Variants in FRMPD3 observed in about 807,000 individuals in gnomAD.
The protein encoded by FRMPD3 is FERM and PDZ domain containing 3.
A neutral mutation model predicts 97.9 loss-of-function variants in FRMPD3; 42 were observed. That is an observed-to-expected ratio of 0.43 (90% CI 0.34 to 0.55). FRMPD3 has a LOEUF of 0.55. Ranked by LOEUF, FRMPD3 falls within the 20% of genes least tolerant of loss-of-function variation. FRMPD3 has a pLI of 0.03. For synonymous variants in FRMPD3, 577 were observed against 581.1 expected, an observed-to-expected ratio of 0.99 and a Z score of 0.10; for missense variants, 1,303 against 1,457.7, an observed-to-expected ratio of 0.89 and a Z score of 1.73.
intron 1 of FRMPD3, among the ~76,000 whole-genome samples, chrX:107,507,432 A>G (rs1173591859): frequency 1.8e-5 from 2 of 110,441 alleles, no homozygotes; most frequent in Admixed American, 9.5e-5. Flanking sequence ...AAACCACCCG[A>G]GTGGAGCAGG....
intron 13 of FRMPD3, among the ~76,000 whole-genome samples, chrX:107,589,234 A>C (rs376325773): frequency 1.8e-5 from 2 of 108,887 alleles, no homozygotes; most frequent in East Asian, 5.8e-4. Flanking sequence ...CGATCTTTGA[A>C]GCCTCAAAGA....
chrX:107,551,627 C>T (rs1569421305), intron 6 of FRMPD3, among the ~76,000 whole-genome samples: 1 of 112,132 alleles, frequency 8.9e-6, no homozygotes, highest in Non-Finnish European at 1.9e-5. Context: ...GTGCTGGCGA[C>T]TTATTGGAGC....
In FRMPD3 at chrX:107,568,386, CCCA is replaced by C. The variant is rs1273433438; in HGVS notation, c.1296+3322_1296+3324del. Among the ~76,000 whole-genome samples, 7 of 67,252 alleles carry C rather than the reference CCCA, an allele frequency of 1.0e-4. No individual in the cohort carries two copies. In the East Asian group the frequency reaches 4.2e-3, roughly 41 times the overall value. 58.4% of individuals were successfully genotyped at this position (67,252 alleles called of 115,157 possible). On this transcript the variant is annotated intron_variant, in intron 12 of 14. Transcript: ENST00000683843. ...TGCTATCCCTCCCCCCTCCCCCCAC[CCCA>C]CAACAGTCCTCCAGAATTTTTTGTT...
intron 1 of FRMPD3, among the ~76,000 whole-genome samples, chrX:107,468,869 A>G (rs967972568): frequency 8.9e-6 from 1 of 112,740 alleles, no homozygotes; most frequent in African/African-American, 3.2e-5. Flanking sequence ...GGAATTTCAC[A>G]CAACCACTGT....
At chrX:107,548,496 T>C (rs1921715291) in intron 5 of FRMPD3, among the ~76,000 whole-genome samples, 1 of 112,658 alleles carries the variant, frequency 8.9e-6, no homozygotes, top group South Asian at 3.7e-4. Flanking sequence ...CTACTGCCCA[T>C]TCATTCAGCA....
At chrX:107,481,646 A>G (rs1409706295) in intron 1 of FRMPD3, among the ~76,000 whole-genome samples, 6 of 111,988 alleles carry the variant, frequency 5.4e-5, no homozygotes, top group African/African-American at 1.9e-4. Context: ...GCCTAATGGA[A>G]GGAAAGAAGC....
Position 107,533,523 on chromosome X carries a change from C to T in FRMPD3, c.270C>T (p.Ile90=), listed in dbSNP as rs1274598114. 8.3e-6 allele frequency: 10 copies of T among 1,206,806 alleles called. No individual in the cohort carries two copies. The South Asian group carries it at 1.4e-4, about 17-fold the overall frequency. ...IELIRSAKEF[I]VLTVLHTHQS... ...TCTGTAGGAGCGCTAAGGAATTCAT[C>T]GTTCTTACAGTTCTGCACACTCATC... The change falls in exon 4 of 15, where the codon ATC becomes ATT. Residue 90 remains isoleucine, a synonymous_variant. Coordinates refer to ENST00000683843, the MANE Select transcript of FRMPD3 (RefSeq NM_001388459.1).
At chrX:107,565,089 CCTT>C in intron 12 of FRMPD3, 23 bp downstream of exon 12, 2 of 1,141,130 alleles carry the variant, frequency 1.8e-6, no homozygotes, top group Non-Finnish European at 1.2e-6. Flanking sequence ...TTGAGGGCCT[CCTT>C]CTGTTTAGGA....
Position 107,601,167 on chromosome X carries a change from A to C in FRMPD3, c.3128A>C (p.Asp1043Ala), listed in dbSNP as rs368183217. 3 of 1,208,901 alleles carry C rather than the reference A, an allele frequency of 2.5e-6. No individual in the cohort carries two copies. In the African/African-American group the frequency reaches 5.2e-5, roughly 21 times the overall value. ...AGAGCACCCACAGGCAGCCGGGCTG[A>C]CAGCCTGCACCTCTCCCAACAAGAG... ...SPRAPTGSRA[D>A]SLHLSQQEDS... Residue 1043 changes from aspartate (D) to alanine (A), a missense_variant, in exon 15 of 15, where the codon GAC (aspartate) becomes GCC (alanine). Physicochemically the swap from Asp to Ala is moderately radical, Grantham distance 126. Coordinates refer to ENST00000683843, the MANE Select transcript of FRMPD3 (RefSeq NM_001388459.1).
chrX:107,542,434 T>C (rs1344874462), intron 4 of FRMPD3, among the ~76,000 whole-genome samples: 1 of 111,851 alleles, frequency 8.9e-6, no homozygotes, highest in Non-Finnish European at 1.9e-5. Flanking sequence ...AAAAAAATAC[T>C]GATGCTCAGA....
At chrX:107,535,811 A>G in intron 4 of FRMPD3, among the ~76,000 whole-genome samples, 1 of 111,336 alleles carries the variant, frequency 9.0e-6, no homozygotes, top group African/African-American at 3.3e-5. Flanking sequence ...CCAACACAGT[A>G]AAGATACCCC....
Position 107,526,312 on chromosome X carries a change from G to A in FRMPD3, c.-7-270G>A, listed in dbSNP as rs1415743806. ...CTTCTGGAGTTCCAATATCTGAGAG[G>A]AAGGGTCTGACTCTAATTTCAGGCT... is the stretch of plus-strand genomic sequence containing the variant. On this transcript the variant is annotated intron_variant, in intron 1 of 14. Coordinates refer to ENST00000683843, the MANE Select transcript of FRMPD3 (RefSeq NM_001388459.1). Among the ~76,000 whole-genome samples, 3 of 111,226 alleles carry A rather than the reference G, an allele frequency of 2.7e-5. No homozygotes were observed. The Admixed American group carries it at 2.9e-4, about 11-fold the overall frequency.
At chrX:107,504,821 C>G (rs748503001) in intron 1 of FRMPD3, among the ~76,000 whole-genome samples, 3 of 112,131 alleles carry the variant, frequency 2.7e-5, no homozygotes, top group African/African-American at 9.7e-5. Flanking sequence ...ACCCAGACAC[C>G]TGCAGTCCTT....
At chrX:107,499,395 C>T (rs780825098) in intron 1 of FRMPD3, among the ~76,000 whole-genome samples, 1 of 112,138 alleles carries the variant, frequency 8.9e-6, no homozygotes, top group Non-Finnish European at 1.9e-5. Flanking sequence ...GTACGAAATG[C>T]CATCCTCTTA....
chrX:107,538,850 T>C (rs1342129604), intron 4 of FRMPD3, among the ~76,000 whole-genome samples: 1 of 112,076 alleles, frequency 8.9e-6, no homozygotes, highest in Admixed American at 9.5e-5. Flanking sequence ...GTAGAGACGA[T>C]GTTTCGCCAT....
chrX:107,468,931 T>C (rs1426874001), intron 1 of FRMPD3, among the ~76,000 whole-genome samples: 1 of 112,792 alleles, frequency 8.9e-6, no homozygotes, highest in Non-Finnish European at 1.9e-5. Context: ...TAAAACCCTT[T>C]CATATTTCAC....
chrX:107,485,787 G>A (rs1250342033), intron 1 of FRMPD3, among the ~76,000 whole-genome samples: 4 of 111,740 alleles, frequency 3.6e-5, no homozygotes, highest in Non-Finnish European at 7.5e-5. Flanking sequence ...GGAGTGGAAG[G>A]AAGCAGGGAT....
At chrX:107,480,893 AAG>A (rs1921337061) in intron 1 of FRMPD3, among the ~76,000 whole-genome samples, 7 of 57,894 alleles carry the variant, frequency 1.2e-4, no homozygotes, top group South Asian at 2.2e-3. Flanking sequence ...GGAAGGAAGG[AAG>A]GAAAGAAAGA....
intron 1 of FRMPD3, among the ~76,000 whole-genome samples, chrX:107,450,601 C>CACACACACACAG (rs1463795736): frequency 2.1e-5 from 2 of 93,385 alleles, no homozygotes; most frequent in African/African-American, 8.1e-5. Flanking sequence ...CACACACACA[C>CACACACACACAG]AGAGAGAGAG....
Sources: allele counts gnomAD v4.1 joint callset (sites outside exome capture counted in the v4.1 genomes callset), GRCh38; gene constraint gnomAD v4.1.1; transcripts MANE v1.5; gene names NCBI Gene and HGNC (gene_info 2026-07-23, HGNC 2026-07-21).